PRKG1: variants seen among roughly 807,000 people sequenced by gnomAD.
PRKG1 encodes cGMP-dependent protein kinase 1.
Under a neutral mutation model 88.1 loss-of-function variants are expected in PRKG1, and 35 were observed. The observed-to-expected ratio is 0.40, with a 90% CI of 0.30 to 0.53. The LOEUF (loss-of-function observed/expected upper bound fraction) is 0.53, where lower values mean the gene tolerates loss of function less well. PRKG1 is among the 20% of genes least tolerant of loss of function. The pLI is 0.59. For synonymous variants in PRKG1, 303 were observed against 292.5 expected (o/e 1.04, Z -0.37); for missense variants, 540 against 839.8 (o/e 0.64, Z 4.41).
intron 2 of PRKG1, among the ~76,000 whole-genome samples, chr10:51,372,415 A>G (rs555333071): frequency 6.6e-6 from 1 of 152,248 alleles, no homozygotes; most frequent in Admixed American, 6.5e-5. Context: ...AATAGCTTCT[A>G]TATAGATTCT....
At chr10:51,001,762 A>G (rs1415856510) in intron 1 of PRKG1, among the ~76,000 whole-genome samples, 11 of 152,166 alleles carry the variant, frequency 7.2e-5, no homozygotes, top group Non-Finnish European at 1.6e-4. Context: ...GGGAGAAGAT[A>G]GAGGGGGAGA....
chr10:52,175,020 T>A (rs35979919), intron 9 of PRKG1, among the ~76,000 whole-genome samples: 24,396 of 152,034 alleles, frequency 0.16, 2,592 homozygotes, highest in Non-Finnish European at 0.24. Context: ...TATCACCCTT[T>A]AGCTATTTGA....
intron 2 of PRKG1, among the ~76,000 whole-genome samples, chr10:51,329,134 T>C (rs1333938508): frequency 6.6e-6 from 1 of 152,210 alleles, no homozygotes; most frequent in East Asian, 1.9e-4. Context: ...CAAAAATTCA[T>C]TGCCCAGGCC....
chr10:51,597,309 G>A (rs1325416157), intron 3 of PRKG1, among the ~76,000 whole-genome samples: 1 of 152,052 alleles, frequency 6.6e-6, no homozygotes, highest in Non-Finnish European at 1.5e-5. Flanking sequence ...GAGAATGTTT[G>A]TATGCTGTCT....
At chr10:52,177,398 GTT>G (rs1838894850) in intron 9 of PRKG1, among the ~76,000 whole-genome samples, 1 of 152,034 alleles carries the variant, frequency 6.6e-6, no homozygotes, top group Admixed American at 6.6e-5. Flanking sequence ...GTTGGATTCA[GTT>G]TGCTACACTT....
chr10:51,254,671 C>T (rs933007800), intron 2 of PRKG1, among the ~76,000 whole-genome samples: 1 of 151,958 alleles, frequency 6.6e-6, no homozygotes, highest in Non-Finnish European at 1.5e-5. Flanking sequence ...GGGATGTGCT[C>T]ATTTGTATTC....
rs577040779 is a variant in PRKG1, at chr10:51,177,776, A to G, written c.478+24446A>G. The stretch of plus-strand genomic sequence containing the variant: ...TTTATACTATAATTAATTTGGGATT[A>G]ATGTATTAAATTTAACCTAATTAAT... On this transcript the variant is annotated intron_variant, in intron 2 of 17. Transcript: ENST00000373980. 7.2e-5 allele frequency among the ~76,000 whole-genome samples: 11 copies of G among 152,128 alleles called. No individual in the cohort carries two copies. In the East Asian group the frequency reaches 1.9e-3, roughly 27 times the overall value.
At chr10:51,431,722 T>C (rs145005168) in intron 2 of PRKG1, among the ~76,000 whole-genome samples, 4 of 152,280 alleles carry the variant, frequency 2.6e-5, no homozygotes, top group African/African-American at 7.2e-5. Context: ...TTTTGATGAA[T>C]AGTTTCCCAA....
chr10:51,965,130 T>C (rs189814160), intron 5 of PRKG1, among the ~76,000 whole-genome samples: 72 of 152,294 alleles, frequency 4.7e-4, no homozygotes, highest in African/African-American at 1.6e-3. Context: ...GCAGGTTTGT[T>C]CCGTAGGTAA....
intron 2 of PRKG1, among the ~76,000 whole-genome samples, chr10:51,293,058 A>G (rs1250901482): frequency 6.6e-6 from 1 of 152,026 alleles, no homozygotes; most frequent in Non-Finnish European, 1.5e-5. Flanking sequence ...CCCCAGCTTT[A>G]TTGAGGTATG....
At chr10:52,232,487 T>C (rs1840549872) in intron 9 of PRKG1, among the ~76,000 whole-genome samples, 1 of 152,210 alleles carries the variant, frequency 6.6e-6, no homozygotes, top group Admixed American at 6.5e-5. Context: ...GTGCAAATAG[T>C]ATATGCTATT....
intron 2 of PRKG1, among the ~76,000 whole-genome samples, chr10:51,433,697 T>C (rs1159857460): frequency 1.3e-5 from 2 of 152,156 alleles, no homozygotes; most frequent in Admixed American, 6.6e-5. Flanking sequence ...CATAGAACTA[T>C]GTGAATGTAG....
chr10:51,291,723 A>G (rs1334073211), intron 2 of PRKG1, among the ~76,000 whole-genome samples: 1 of 152,206 alleles, frequency 6.6e-6, no homozygotes, highest in African/African-American at 2.4e-5. Flanking sequence ...ACAGATGGCC[A>G]TTAGAGTGTT....
At chr10:51,594,821 G>A (rs548884878) in intron 3 of PRKG1, among the ~76,000 whole-genome samples, 3 of 152,140 alleles carry the variant, frequency 2.0e-5, no homozygotes, top group Non-Finnish European at 4.4e-5. Context: ...ACTTGAATTA[G>A]CAAACATTGT....
At chr10:51,317,697 TG>T (rs200170549) in intron 2 of PRKG1, among the ~76,000 whole-genome samples, 4,762 of 152,286 alleles carry the variant, frequency 0.031, 122 homozygotes, top group South Asian at 0.075. Flanking sequence ...AAGGATAACC[TG>T]GGGTTTATTC....
chr10:51,380,695 C>A lies in PRKG1; in HGVS notation c.479-87028C>A, dbSNP rs537551502. On this transcript the variant is annotated intron_variant, in intron 2 of 17. Transcript: ENST00000373980. ...GATGTAACAAATGGCACAGCTCATG[C>A]ACCTAAAAGGTCACAATAAGTGAAC... Among the ~76,000 whole-genome samples, 10 of 152,226 alleles carry A rather than the reference C, an allele frequency of 6.6e-5. No homozygotes were observed. The East Asian group carries it at 1.6e-3, about 24-fold the overall frequency.
At chr10:51,892,236 T>C (rs1841739785) in intron 4 of PRKG1, among the ~76,000 whole-genome samples, 1 of 152,234 alleles carries the variant, frequency 6.6e-6, no homozygotes. Flanking sequence ...TTTAAATTTC[T>C]TTTAGCAAAT....
intron 3 of PRKG1, among the ~76,000 whole-genome samples, chr10:51,529,051 T>G (rs551215113): frequency 1.2e-4 from 18 of 152,140 alleles, no homozygotes; most frequent in African/African-American, 3.9e-4. Flanking sequence ...CTAAGAAAAT[T>G]CAGAAACTAA....
At chr10:51,293,514 GTCC>G (rs1840637629) in intron 2 of PRKG1, among the ~76,000 whole-genome samples, 1 of 152,030 alleles carries the variant, frequency 6.6e-6, no homozygotes, top group Non-Finnish European at 1.5e-5. Context: ...TTAACTTAAT[GTCC>G]TCCAGGTTCA....
Sources: gnomAD v4.1 joint callset for allele counts (sites outside exome capture counted in the v4.1 genomes callset) on GRCh38, gnomAD v4.1.1 for gene constraint, MANE v1.5 for transcripts, NCBI Gene and HGNC (gene_info 2026-07-23, HGNC 2026-07-21) for gene names.